The following ROBO2 variants were observed in gnomAD, a reference collection of about 807,000 sequenced individuals.
ROBO2 encodes the protein roundabout homolog 2.
A neutral mutation model predicts 160.8 loss-of-function variants in ROBO2; 53 were observed. The observed-to-expected ratio is 0.33, with a 90% CI of 0.26 to 0.41. ROBO2 has a LOEUF of 0.41. Among genes scored for constraint, ROBO2 ranks in the 10% least tolerant of loss-of-function variants. The pLI, the probability that ROBO2 is intolerant of heterozygous loss-of-function variation, is 1.00. For missense variants in ROBO2, 1,577 were observed against 1,722.4 expected (o/e 0.92, Z 1.49); for synonymous variants, 664 against 611.7 (o/e 1.09, Z -1.26).
chr3:76,480,062 A>T (rs1270104137), intron 2 of ROBO2, among the ~76,000 whole-genome samples: 1 of 152,140 alleles, frequency 6.6e-6, no homozygotes, highest in Non-Finnish European at 1.5e-5. Flanking sequence ...GAGGAGCTGA[A>T]AAAGAGGAAA....
intron 5 of ROBO2, among the ~76,000 whole-genome samples, chr3:77,518,450 C>T (rs1450216764): frequency 6.6e-6 from 1 of 151,462 alleles, no homozygotes; most frequent in African/African-American, 2.4e-5. Flanking sequence ...TAACTAAGTA[C>T]TCAAAGTCTG....
rs115343721 is a variant in ROBO2 at position 76,038,317 on chromosome 3, G to A, written c.109+100715G>A. 6.5e-3 allele frequency among the ~76,000 whole-genome samples: 992 copies of A among 151,932 alleles called. 10 individuals carry two copies. Among genetic ancestry groups the A allele is most frequent in the Non-Finnish European group, 8.7e-3 (594 of 67,982 alleles). On this transcript the variant is annotated intron_variant, in intron 2 of 26. Transcript: ENST00000487694. Reference sequence around the variant, plus strand: ...TGAGTGTATATTGCAAGAAGAGTGGGGAAAAGAAATTATGAGGAACTTCAA... The same window carrying A: ...TGAGTGTATATTGCAAGAAGAGTGGAGAAAAGAAATTATGAGGAACTTCAA...
chr3:76,535,264 G>T lies in ROBO2; in HGVS notation c.110-562750G>T, dbSNP rs572714370. On this transcript the variant is annotated intron_variant, in intron 2 of 26. Coordinates refer to the ROBO2 transcript ENST00000487694. ...AGGCAAAGGTCTTGAACTAGCCTGT[G>T]GGACTTGTCTGGTTTCTGGATGGAT... Among the ~76,000 whole-genome samples, 98 of 152,180 alleles carry T rather than the reference G, an allele frequency of 6.4e-4. 1 individual carries two copies. The highest frequency in any genetic ancestry group is 1.2e-3 in the Non-Finnish European group (82 of 68,010).
chr3:76,353,589 A>G (rs775483640), intron 2 of ROBO2, among the ~76,000 whole-genome samples: 4 of 151,854 alleles, frequency 2.6e-5, no homozygotes, highest in African/African-American at 4.8e-5. Flanking sequence ...GCAGACATCA[A>G]TAGGTGTTAG....
At chr3:76,864,221 CGGG>C (rs2071116780) in intron 2 of ROBO2, among the ~76,000 whole-genome samples, 1 of 151,946 alleles carries the variant, frequency 6.6e-6, no homozygotes, top group African/African-American at 2.4e-5. Flanking sequence ...GTTCTCCTTC[CGGG>C]GGTTTACAAA....
intron 2 of ROBO2, among the ~76,000 whole-genome samples, chr3:76,938,274 A>G (rs1009145462): frequency 3.9e-5 from 6 of 151,910 alleles, no homozygotes; most frequent in African/African-American, 1.5e-4. Flanking sequence ...GGATCGCTTG[A>G]ACCCGGGAGG....
intron 2 of ROBO2, among the ~76,000 whole-genome samples, chr3:77,145,669 G>A (rs1440726742): frequency 1.3e-5 from 2 of 152,106 alleles, no homozygotes; most frequent in African/African-American, 4.8e-5. Context: ...ATCACACATC[G>A]ACTGAATGAG....
At chr3:76,823,889 C>T (rs1189328104) in intron 2 of ROBO2, among the ~76,000 whole-genome samples, 2 of 152,254 alleles carry the variant, frequency 1.3e-5, no homozygotes, top group Non-Finnish European at 2.9e-5. Context: ...CCCTGATTAG[C>T]AGTTGTTTTA....
At chr3:77,021,077 G>T (rs1465817690) in intron 2 of ROBO2, among the ~76,000 whole-genome samples, 1 of 151,968 alleles carries the variant, frequency 6.6e-6, no homozygotes, top group Non-Finnish European at 1.5e-5. Flanking sequence ...GGGTGTGGTG[G>T]CATACACCTG....
chr3:76,708,934 A>C (rs1001385718), intron 2 of ROBO2, among the ~76,000 whole-genome samples: 3 of 152,186 alleles, frequency 2.0e-5, no homozygotes, highest in Non-Finnish European at 4.4e-5. Context: ...GGACATGAGA[A>C]TCACTGGGAC....
intron 2 of ROBO2, among the ~76,000 whole-genome samples, chr3:76,287,164 G>A (rs554713949): frequency 2.2e-4 from 33 of 152,292 alleles, no homozygotes; most frequent in African/African-American, 7.5e-4. Context: ...TAAAAGGCAA[G>A]CTTTGGAGAG....
intron 2 of ROBO2, among the ~76,000 whole-genome samples, chr3:76,389,480 C>T (rs2077046376): frequency 6.6e-6 from 1 of 152,124 alleles, no homozygotes; most frequent in Non-Finnish European, 1.5e-5. Flanking sequence ...GATTTGAAAA[C>T]AATAGGAAGA....
chr3:76,425,222 T>A lies in ROBO2; in HGVS notation c.109+487620T>A, dbSNP rs542956123. On this transcript the variant is annotated intron_variant, in intron 2 of 26. Coordinates refer to the ROBO2 transcript ENST00000487694. ...TTTTTTTTCTTGATCACCACCCGTT[T>A]ACATAGTTAATGTGTATTTTGCCTT... Among the ~76,000 whole-genome samples, 4 of 152,242 alleles carry A rather than the reference T, an allele frequency of 2.6e-5. 1 individual carries two copies. The South Asian group carries it at 8.3e-4, about 32-fold the overall frequency.
At chr3:77,635,081 G>T (rs776356211) in intron 24 of ROBO2, 38 bp downstream of exon 25, 10 of 1,602,476 alleles carry the variant, frequency 6.2e-6, no homozygotes, top group Non-Finnish European at 8.5e-6. Context: ...CCTCGCTGAA[G>T]AGACGTGCTC....
At chr3:76,213,386 T>C (rs1036923867) in intron 2 of ROBO2, among the ~76,000 whole-genome samples, 4 of 152,128 alleles carry the variant, frequency 2.6e-5, no homozygotes, top group Admixed American at 6.6e-5. Context: ...GTATGGGAAA[T>C]TCCTTTTAAA....
intron 2 of ROBO2, among the ~76,000 whole-genome samples, chr3:76,529,800 T>C (rs192376370): frequency 1.6e-4 from 24 of 152,272 alleles, no homozygotes; most frequent in Middle Eastern, 3.4e-3. Context: ...CTCCCTCTTC[T>C]ATTCTCCCTT....
chr3:76,426,927 G>A (rs568798302), intron 2 of ROBO2, among the ~76,000 whole-genome samples: 1 of 152,100 alleles, frequency 6.6e-6, no homozygotes, highest in African/African-American at 2.4e-5. Flanking sequence ...CTTCGTGATG[G>A]TGAGAGCATC....
intron 2 of ROBO2, among the ~76,000 whole-genome samples, chr3:76,716,087 A>C (rs1318710587): frequency 8.3e-6 from 1 of 120,820 alleles, no homozygotes; most frequent in South Asian, 2.8e-4. Context: ...GTAAGACTTA[A>C]GTTATGAATT....
At position 77,525,361 on chromosome 3, in the gene ROBO2, A is replaced by G. The variant is rs573013096; in HGVS notation, c.934+2459A>G. Among the ~76,000 whole-genome samples, 4 of 150,370 alleles carry G rather than the reference A, an allele frequency of 2.7e-5. No individual in the cohort carries two copies. In the South Asian group the frequency reaches 8.4e-4, roughly 31 times the overall value. On this transcript the variant is annotated intron_variant, in intron 6 of 25. Coordinates refer to ENST00000461745, the Ensembl canonical transcript of ROBO2. ...ATTAGCCAATTGGGGAAAAGGTAAG[A>G]GAGTTTATTGTCAAAATTTGAAACA...
Sources: allele counts gnomAD v4.1 joint callset (sites outside exome capture counted in the v4.1 genomes callset), GRCh38; gene constraint gnomAD v4.1.1; transcripts MANE v1.5; gene names NCBI Gene and HGNC (gene_info 2026-07-23, HGNC 2026-07-21).